Variants in P3H2 observed in about 807,000 individuals in gnomAD.
P3H2 encodes leprecan-like 1.
In P3H2, 80 loss-of-function variants were observed where a neutral mutation model predicts 87.0. That is an observed-to-expected ratio of 0.92 (90% CI 0.77 to 1.11). The LOEUF is 1.11. Among genes scored for constraint, P3H2 ranks in the 50% least tolerant of loss-of-function variants. The pLI is 0.00. For missense variants in P3H2, 1,001 were observed against 923.9 expected, an observed-to-expected ratio of 1.08 and a Z score of -1.08; for synonymous variants, 367 against 359.3, an observed-to-expected ratio of 1.02 and a Z score of -0.24.
rs1382772258 is a variant in P3H2 at position 190,022,083 on chromosome 3, T to C, written c.481-26641A>G. Among the ~76,000 whole-genome samples the C allele has an allele frequency of 3.0e-5, 4 of 135,494 alleles. 1 individual carries two copies. Among genetic ancestry groups the C allele is most frequent in the Non-Finnish European group, 6.6e-5 (4 of 60,542 alleles). The allele number at this position is 135,494 out of a possible 152,430, so 88.9% of individuals were successfully genotyped here. On this transcript the variant is annotated intron_variant, in intron 1 of 14. Transcript: ENST00000319332. ...CAATGACATTAGCCTCTAAAGAGTA[T>C]TGAGAGTATCTTGGTTACAAATGAC...
chr3:189,963,874 A>G, intron 14 of P3H2, 84 bp downstream of exon 14: 2 of 1,422,628 alleles, frequency 1.4e-6, no homozygotes, highest in Non-Finnish European at 2.0e-6. Flanking sequence ...TCTTTTCCTC[A>G]GACGAAGCAA....
At chr3:190,043,476 G>C (rs1309444563) in intron 1 of P3H2, among the ~76,000 whole-genome samples, 2 of 152,154 alleles carry the variant, frequency 1.3e-5, no homozygotes, top group African/African-American at 4.8e-5. Flanking sequence ...GTGGAAGAAA[G>C]AACAGCAGAG....
At chr3:190,078,484 A>G (rs918786033) in intron 1 of P3H2, among the ~76,000 whole-genome samples, 2 of 152,180 alleles carry the variant, frequency 1.3e-5, no homozygotes, top group African/African-American at 4.8e-5. Context: ...ATCTTCTACT[A>G]TTATCAATTT....
chr3:190,078,096 C>G, intron 1 of P3H2, among the ~76,000 whole-genome samples: 1 of 152,206 alleles, frequency 6.6e-6, no homozygotes, highest in Non-Finnish European at 1.5e-5. Context: ...CAAATCCTCT[C>G]CATCCCCTTT....
At chr3:190,062,202 C>G (rs1230807118) in intron 1 of P3H2, among the ~76,000 whole-genome samples, 1 of 152,112 alleles carries the variant, frequency 6.6e-6, no homozygotes, top group Non-Finnish European at 1.5e-5. Flanking sequence ...AGCTGCAATA[C>G]TATCTCTTTG....
Position 190,089,234 on chromosome 3 carries a change from G to GGGGA in P3H2, c.480+31014_480+31017dup, listed in dbSNP as rs1727330298. Among the ~76,000 whole-genome samples, 3 of 152,118 alleles carry GGGGA rather than the reference G, an allele frequency of 2.0e-5. No individual in the cohort carries two copies. The South Asian group carries it at 6.2e-4, about 31-fold the overall frequency. On this transcript the variant is annotated intron_variant, in intron 1 of 14. Transcript: ENST00000319332. ...GGGCCTGTCGTGGGGCGGGGGAAGCGGGGAGGGATAGCATTAGGAGATACA... is the reference window on the plus strand; with the variant it reads ...GGGCCTGTCGTGGGGCGGGGGAAGCGGGGAGGGAGGGATAGCATTAGGAGATACA...
At position 189,973,039 on chromosome 3, in the gene P3H2, C is replaced by G. The variant is rs181950137; in HGVS notation, c.1549-15G>C. ...TCATAACCAGACTGAAAAAAAAAAA[C>G]AAAACATGAGAAACAAATGGGTTCA... On this transcript the variant is annotated splice_polypyrimidine_tract_variant and intron_variant, in intron 10 of 14. Transcript: ENST00000319332. 6.3e-7 allele frequency: 1 copy of G among 1,595,178 alleles called. No homozygotes were observed. Among genetic ancestry groups the G allele is most frequent in the South Asian group, 1.1e-5 (1 of 89,444 alleles).
At chr3:190,079,519 C>T (rs1314063931) in intron 1 of P3H2, among the ~76,000 whole-genome samples, 2 of 151,998 alleles carry the variant, frequency 1.3e-5, no homozygotes, top group South Asian at 4.2e-4. Context: ...TATGATTTGG[C>T]AGAATCATTT....
intron 1 of P3H2, among the ~76,000 whole-genome samples, chr3:190,003,401 T>C (rs1196811026): frequency 6.6e-6 from 1 of 152,126 alleles, no homozygotes. Context: ...AGAAACCATC[T>C]TTCTGGGTAA....
chr3:190,117,990 A>G (rs1406641683), intron 1 of P3H2, among the ~76,000 whole-genome samples: 1 of 152,244 alleles, frequency 6.6e-6, no homozygotes, highest in Non-Finnish European at 1.5e-5. Context: ...GATCTTTGAA[A>G]GAACTTCTTA....
intron 1 of P3H2, among the ~76,000 whole-genome samples, chr3:190,080,522 T>C (rs1478049492): frequency 2.6e-5 from 4 of 152,106 alleles, no homozygotes; most frequent in Non-Finnish European, 5.9e-5. Flanking sequence ...TGCTTCAGCC[T>C]CCCGAGTAGC....
rs869306106 is a variant in P3H2, at chr3:189,981,493, AT to A, written c.1324+1552del. Among the ~76,000 whole-genome samples, 338 of 151,172 alleles carry A rather than the reference AT, an allele frequency of 2.2e-3. 3 individuals carry two copies. The highest frequency in any genetic ancestry group is 0.01 in the Middle Eastern group (3 of 294). On this transcript the variant is annotated intron_variant, in intron 8 of 14. Coordinates refer to ENST00000319332, the MANE Select transcript of P3H2 (RefSeq NM_018192.4). ...ATGAGAGTACGGTAGGTAAAAAAAAATTTTTTTTTTCCTTCAGACCAGTAGG... is the reference window on the plus strand; with the variant it reads ...ATGAGAGTACGGTAGGTAAAAAAAAATTTTTTTTTCCTTCAGACCAGTAGG...
chr3:189,958,497 C>A (rs1388202714), intron 14 of P3H2, among the ~76,000 whole-genome samples: 1 of 151,586 alleles, frequency 6.6e-6, no homozygotes, highest in Non-Finnish European at 1.5e-5. Context: ...GAGTTTAGGT[C>A]AGGGTTTCTC....
At chr3:190,038,116 T>C (rs938038792) in intron 1 of P3H2, among the ~76,000 whole-genome samples, 2 of 152,000 alleles carry the variant, frequency 1.3e-5, no homozygotes, top group East Asian at 1.9e-4. Flanking sequence ...TTGATTTCCA[T>C]TCATACTGTT....
chr3:190,028,783 ACT>A (rs1160609917), intron 1 of P3H2, among the ~76,000 whole-genome samples: 1 of 151,482 alleles, frequency 6.6e-6, no homozygotes, highest in Non-Finnish European at 1.5e-5. Context: ...GAATGGAGAC[ACT>A]CTATGTTTTA....
chr3:190,019,785 A>T (rs76446637), intron 1 of P3H2, among the ~76,000 whole-genome samples: 6,049 of 37,298 alleles, frequency 0.16, 1,032 homozygotes, highest in African/African-American at 0.27. Flanking sequence ...GAAATTAAAA[A>T]ATATATATAT....
chr3:189,974,450 C>T, intron 9 of P3H2, 108 bp downstream of exon 9: 1 of 1,405,728 alleles, frequency 7.1e-7, no homozygotes, highest in Non-Finnish European at 1.0e-6. Context: ...CTCAAGAAAG[C>T]AATATTTCAG....
chr3:189,969,614 T>C (rs923945966), intron 13 of P3H2: 169 of 1,206,872 alleles, frequency 1.4e-4, no homozygotes, highest in Non-Finnish European at 2.0e-4. Context: ...ACAGCCCTCT[T>C]CCTTCAAAGC....
At position 190,068,561 on chromosome 3, in the gene P3H2, G is replaced by A. The variant is rs137893470; in HGVS notation, c.480+51691C>T. 2.7e-3 allele frequency among the ~76,000 whole-genome samples: 417 copies of A among 152,254 alleles called. 1 individual carries two copies. Among genetic ancestry groups the A allele is most frequent in the African/African-American group, 9.9e-3 (411 of 41,552 alleles). On this transcript the variant is annotated intron_variant, in intron 1 of 14. Coordinates refer to ENST00000319332, the MANE Select transcript of P3H2 (RefSeq NM_018192.4). Reference sequence around the variant, plus strand: ...CTAAATCTTTAGTGATATCAAAACTGAACAGTTACTAAGGAGCTGGCAAAA... The same window carrying A: ...CTAAATCTTTAGTGATATCAAAACTAAACAGTTACTAAGGAGCTGGCAAAA...
Sources: allele counts gnomAD v4.1 joint callset (sites outside exome capture counted in the v4.1 genomes callset), GRCh38; gene constraint gnomAD v4.1.1; transcripts MANE v1.5; gene names NCBI Gene and HGNC (gene_info 2026-07-23, HGNC 2026-07-21).